The following COP1 variants were observed in gnomAD, a reference collection of about 807,000 sequenced individuals.
The protein encoded by COP1 is E3 ubiquitin-protein ligase COP1.
A neutral mutation model predicts 101.3 loss-of-function variants in COP1; 24 were observed. The observed-to-expected ratio is 0.24, with a 90% CI of 0.17 to 0.33. The LOEUF is 0.33. Among genes scored for constraint, COP1 ranks in the 10% least tolerant of loss-of-function variants. The pLI is 1.00. For missense variants in COP1, 663 were observed against 906.2 expected, an observed-to-expected ratio of 0.73 and a Z score of 3.45; for synonymous variants, 347 against 341.9, an observed-to-expected ratio of 1.01 and a Z score of -0.17.
At chr1:176,003,178 T>C (rs991431481) in intron 15 of COP1, among the ~76,000 whole-genome samples, 2 of 152,320 alleles carry the variant, frequency 1.3e-5, no homozygotes, top group Non-Finnish European at 2.9e-5. Flanking sequence ...TCTGTTCATG[T>C]CCTTTGCCCA....
intron 18 of COP1, among the ~76,000 whole-genome samples, chr1:175,981,617 C>G (rs560237737): frequency 2.0e-5 from 3 of 151,984 alleles, no homozygotes; most frequent in Non-Finnish European, 2.9e-5. Flanking sequence ...AATTTTTTGG[C>G]TAAAACTGCA....
intron 14 of COP1, among the ~76,000 whole-genome samples, chr1:176,029,797 T>TA (rs1364637298): frequency 6.6e-6 from 1 of 152,224 alleles, no homozygotes; most frequent in Non-Finnish European, 1.5e-5. Context: ...ATACCACTTC[T>TA]ATGAAACGGG....
intron 15 of COP1, among the ~76,000 whole-genome samples, chr1:176,021,612 CAAAT>C (rs1308457330): frequency 2.0e-5 from 3 of 151,990 alleles, no homozygotes; most frequent in Non-Finnish European, 4.4e-5. Context: ...GTAAATATTG[CAAAT>C]AAATAAATTG....
chr1:175,967,288 T>G (rs1571285052), intron 18 of COP1, among the ~76,000 whole-genome samples: 1 of 152,072 alleles, frequency 6.6e-6, no homozygotes, highest in Non-Finnish European at 1.5e-5. Context: ...ATGGGACTAC[T>G]GGCGTGAGCC....
At chr1:176,076,887 G>A (rs1324416137) in intron 11 of COP1, among the ~76,000 whole-genome samples, 1 of 152,028 alleles carries the variant, frequency 6.6e-6, no homozygotes, top group African/African-American at 2.4e-5. Flanking sequence ...ATAAATTCTT[G>A]GAAACACACA....
chr1:176,167,389 T>C lies in COP1; in HGVS notation c.566-3498A>G, dbSNP rs115085997. Among the ~76,000 whole-genome samples, 290 of 151,502 alleles carry C rather than the reference T, an allele frequency of 1.9e-3. 3 individuals are homozygous for C. The highest frequency in any genetic ancestry group is 6.8e-3 in the African/African-American group (277 of 41,026). On this transcript the variant is annotated intron_variant, in intron 3 of 19. Coordinates refer to ENST00000367669, the MANE Select transcript of COP1 (RefSeq NM_022457.7). ...CACCATCGTGGTCCCTGACGCATAG[T>C]AGGCGCCTGGTATTTGCTGAATGAA... is the stretch of plus-strand genomic sequence containing the variant.
chr1:175,995,278 T>C lies in COP1; in HGVS notation c.1730-5799A>G, dbSNP rs973827160. ...GAGGGAAATTTATAGCACTAAATGC[T>C]CACAAGACAAAGCAGGAAAGATCCA... is the stretch of plus-strand genomic sequence containing the variant. On this transcript the variant is annotated intron_variant, in intron 15 of 19. Coordinates refer to ENST00000367669, the MANE Select transcript of COP1 (RefSeq NM_022457.7). Among the ~76,000 whole-genome samples, 19 of 152,054 alleles carry C rather than the reference T, an allele frequency of 1.2e-4. 1 individual carries two copies. The South Asian group carries it at 2.5e-3, about 20-fold the overall frequency.
intron 11 of COP1, among the ~76,000 whole-genome samples, chr1:176,052,289 C>A (rs552717942): frequency 6.6e-6 from 1 of 152,180 alleles, no homozygotes; most frequent in East Asian, 1.9e-4. Context: ...TGTCTAAGTA[C>A]ACTCCATGAT....
chr1:176,170,311 C>T (rs1695842266), intron 3 of COP1, among the ~76,000 whole-genome samples: 1 of 152,154 alleles, frequency 6.6e-6, no homozygotes, highest in Non-Finnish European at 1.5e-5. Flanking sequence ...TTTCCATTTA[C>T]TTTGCCCAGA....
intron 12 of COP1, among the ~76,000 whole-genome samples, chr1:176,045,632 G>T (rs1252141345): frequency 6.6e-6 from 1 of 150,450 alleles, no homozygotes; most frequent in East Asian, 1.9e-4. Flanking sequence ...GATTTTTTGG[G>T]GAGCAGATCA....
At chr1:176,188,710 A>T (rs1010526442) in intron 1 of COP1, among the ~76,000 whole-genome samples, 64 of 152,090 alleles carry the variant, frequency 4.2e-4, no homozygotes, top group Non-Finnish European at 6.6e-4. Flanking sequence ...GGGGAGCCAC[A>T]AATTGCACCC....
chr1:176,072,067 AT>A (rs1677103458), intron 11 of COP1, among the ~76,000 whole-genome samples: 2 of 152,318 alleles, frequency 1.3e-5, no homozygotes, highest in African/African-American at 4.8e-5. Flanking sequence ...TGAATCATGT[AT>A]GTTTTGAATT....
At chr1:176,168,722 C>G in intron 3 of COP1, 1 of 348,590 alleles carries the variant, frequency 2.9e-6, no homozygotes, top group South Asian at 2.1e-5. Flanking sequence ...CCAAGGGAGG[C>G]AGAGAGGAGC....
chr1:176,029,915 T>G (rs929739359), intron 14 of COP1, among the ~76,000 whole-genome samples: 1 of 152,156 alleles, frequency 6.6e-6, no homozygotes, highest in Non-Finnish European at 1.5e-5. Flanking sequence ...CACAGTAAAC[T>G]AAGACCCTCA....
intron 3 of COP1, 80 bp from the exon 4 acceptor site, chr1:176,163,971 G>A (rs921281050): frequency 3.6e-5 from 32 of 893,866 alleles, no homozygotes; most frequent in Non-Finnish European, 5.4e-5. Context: ...GGTTTAGATA[G>A]ATTCTATTTT....
Position 176,086,464 on chromosome 1 carries a change from G to A in COP1, c.1027-574C>T, listed in dbSNP as rs998958366. Among the ~76,000 whole-genome samples the A allele has an allele frequency of 7.9e-5, 12 of 152,162 alleles. No homozygotes were observed. The South Asian group carries it at 1.0e-3, about 13-fold the overall frequency. ...GATGGTCTCGATCTCCTGACCTCAT[G>A]ATCCACCCGCCTCGGCCTCCCAAAG... On this transcript the variant is annotated intron_variant, in intron 9 of 19. Transcript: ENST00000367669.
Position 175,987,012 on chromosome 1 carries a change from G to A in COP1, c.2064C>T (p.Asp688=), listed in dbSNP as rs953675450. The change falls in exon 18 of 20, where the codon GAC becomes GAT. Residue 688 remains aspartate (D), a synonymous_variant. Transcript: ENST00000367669. ...TTGTATCATCTTCTTTTCGGTCTTT[G>A]TCGAGAACACTTTTGACTGTATCAA... is the stretch of plus-strand genomic sequence containing the variant. ...FKFDTVKSVL[D]KDRKEDDTNE... is the part of the protein sequence containing the mutation. 6.8e-6 allele frequency: 11 copies of A among 1,612,034 alleles called. No individual in the cohort carries two copies. Among genetic ancestry groups the A allele is most frequent in the Non-Finnish European group, 9.3e-6 (11 of 1,178,936 alleles).
chr1:176,136,613 C>T, intron 6 of COP1, 66 bp from the exon 7 acceptor site: 1 of 998,992 alleles, frequency 1.0e-6, no homozygotes. Flanking sequence ...AATGGCATCA[C>T]CATGATCATA....
intron 14 of COP1, among the ~76,000 whole-genome samples, chr1:176,040,779 G>C (rs1670392386): frequency 6.6e-6 from 1 of 152,122 alleles, no homozygotes; most frequent in Admixed American, 6.5e-5. Flanking sequence ...GTATTAAAAG[G>C]CCAAAGGGAA....
Sources: allele counts gnomAD v4.1 joint callset (sites outside exome capture counted in the v4.1 genomes callset), GRCh38; gene constraint gnomAD v4.1.1; transcripts MANE v1.5; gene names NCBI Gene and HGNC (gene_info 2026-07-23, HGNC 2026-07-21).